Variants in PIRT observed in about 807,000 individuals in gnomAD.
PIRT encodes phosphoinositide interacting regulator of transient receptor potential channels.
Under a neutral mutation model 7.9 loss-of-function variants are expected in PIRT, and 6 were observed. That is an observed-to-expected ratio of 0.76 (90% CI 0.42 to 1.51). PIRT has a LOEUF of 1.51. Ranked by LOEUF, PIRT falls within the 40% of genes most tolerant of loss-of-function variation. PIRT has a pLI of 0.01. For synonymous variants in PIRT, 78 were observed against 71.8 expected (o/e 1.09, Z -0.44); for missense variants, 170 against 172.9 (o/e 0.98, Z 0.09).
At chr17:10,834,869 C>T (rs539213309) in intron 1 of PIRT, among the ~76,000 whole-genome samples, 9 of 151,208 alleles carry the variant, frequency 6.0e-5, no homozygotes, top group East Asian at 1.9e-4. Flanking sequence ...GGATTACAGA[C>T]GTGAGCCACT....
At chr17:10,828,580 A>G (rs1053434811) in intron 1 of PIRT, among the ~76,000 whole-genome samples, 2 of 152,196 alleles carry the variant, frequency 1.3e-5, no homozygotes, top group Non-Finnish European at 2.9e-5. Flanking sequence ...ACCTTGGTCA[A>G]GAGGAAGGGG....
chr17:10,829,965 G>GTCTATCTATCTATCTATCTA (rs10561822), intron 1 of PIRT, among the ~76,000 whole-genome samples: 1 of 149,488 alleles, frequency 6.7e-6, no homozygotes, highest in Non-Finnish European at 1.5e-5. Context: ...ATGTCTGTCT[G>GTCTATCTATCTATCTATCTA]TCTATCTATC....
rs780238912 is a variant in PIRT, at chr17:10,825,447, G to A, written c.199C>T (p.Leu67Phe). The A allele has an allele frequency of 1.1e-5, 18 of 1,613,868 alleles. No homozygotes were observed. The highest frequency in any genetic ancestry group is 1.6e-4 in the Middle Eastern group (1 of 6,084). The change falls in exon 2 of 2, where the codon CTT (leucine) becomes TTT (phenylalanine). Residue 67 changes from leucine to phenylalanine, a missense_variant. Leu to Phe is a conservative substitution (Grantham distance 22). Coordinates refer to ENST00000580256, the MANE Select transcript of PIRT (RefSeq NM_001101387.2). ...VIMSVGGAIL[L>F]FGVVITCLAY... ...AAGCAGGTGATGACCACGCCGAAAA[G>A]CAGGATGGCACCGCCCACTGACATG... is the stretch of plus-strand genomic sequence containing the variant.
At chr17:10,833,736 G>T (rs2151535788) in intron 1 of PIRT, among the ~76,000 whole-genome samples, 1 of 151,492 alleles carries the variant, frequency 6.6e-6, no homozygotes, top group Admixed American at 6.6e-5. Context: ...CCTGGGCAAT[G>T]GGGCGAGATT....
chr17:10,832,558 T>C (rs1056956332), intron 1 of PIRT, among the ~76,000 whole-genome samples: 20 of 152,302 alleles, frequency 1.3e-4, no homozygotes, highest in Non-Finnish European at 1.5e-5. Context: ...TACACTTGAG[T>C]TGTGACCGTT....
At chr17:10,827,400 A>T (rs1425830377) in intron 1 of PIRT, among the ~76,000 whole-genome samples, 2 of 150,096 alleles carry the variant, frequency 1.3e-5, no homozygotes, top group African/African-American at 4.9e-5. Flanking sequence ...TCACCAGACC[A>T]GTGCTTTCTC....
chr17:10,834,773 G>T (rs1485060026), intron 1 of PIRT, among the ~76,000 whole-genome samples: 1 of 151,948 alleles, frequency 6.6e-6, no homozygotes, highest in African/African-American at 2.4e-5. Context: ...TCTATTTTTA[G>T]TAGAGATGGG....
intron 1 of PIRT, among the ~76,000 whole-genome samples, chr17:10,835,933 C>T (rs1456870846): frequency 1.7e-4 from 25 of 144,984 alleles, no homozygotes; most frequent in African/African-American, 5.4e-4. Flanking sequence ...GATGGAGTTT[C>T]GCTCTTTTGC....
chr17:10,834,265 T>C (rs759069616), intron 1 of PIRT, among the ~76,000 whole-genome samples: 1 of 152,072 alleles, frequency 6.6e-6, no homozygotes, highest in South Asian at 2.1e-4. Context: ...AATCACACAA[T>C]GGAATGTTAC....
chr17:10,836,362 C>T (rs772030512), intron 1 of PIRT, among the ~76,000 whole-genome samples: 10 of 152,158 alleles, frequency 6.6e-5, no homozygotes, highest in Non-Finnish European at 1.3e-4. Flanking sequence ...CTCCTTCGAA[C>T]GTGCTGAAAT....
intron 1 of PIRT, among the ~76,000 whole-genome samples, chr17:10,834,757 A>C (rs1046328218): frequency 6.6e-6 from 1 of 151,666 alleles, no homozygotes; most frequent in Admixed American, 6.6e-5. Flanking sequence ...TGCCTGGCTA[A>C]TTTTTTCTAT....
chr17:10,827,460 C>CTTTTTTTTTTTTTTTTTTT (rs1905352594), intron 1 of PIRT, among the ~76,000 whole-genome samples: 1 of 66,964 alleles, frequency 1.5e-5, no homozygotes, highest in Non-Finnish European at 2.9e-5. Flanking sequence ...CTTTCTTTTT[C>CTTTTTTTTTTTTTTTTTTT]TTTTCTTTTT....
At position 10,827,220 on chromosome 17, in the gene PIRT, A is replaced by AATTGCCCACCCCAGG. The variant is rs1432675987; in HGVS notation, c.-138-1438_-138-1437insCCTGGGGTGGGCAAT. Among the ~76,000 whole-genome samples the AATTGCCCACCCCAGG allele has an allele frequency of 4.6e-5, 7 of 152,182 alleles. No individual in the cohort carries two copies. In the Middle Eastern group the frequency reaches 0.014, roughly 296 times the overall value. ...TATTCTCAGGCCTGGAAAGGTATGGAGTCTCACTCAATTGCCCACCCCAGG... is the reference window on the plus strand; with the variant it reads ...TATTCTCAGGCCTGGAAAGGTATGGAATTGCCCACCCCAGGGTCTCACTCAATTGCCCACCCCAGG... On this transcript the variant is annotated intron_variant, in intron 1 of 1. Transcript: ENST00000580256.
intron 1 of PIRT, among the ~76,000 whole-genome samples, chr17:10,826,504 T>C (rs759382953): frequency 6.6e-6 from 1 of 152,258 alleles, no homozygotes; most frequent in Admixed American, 6.5e-5. Flanking sequence ...AGAAGAGTGA[T>C]GCTTTACAGA....
intron 1 of PIRT, 67 bp from the exon 2 acceptor site, chr17:10,825,850 T>G: frequency 2.3e-6 from 1 of 442,072 alleles, no homozygotes; most frequent in Non-Finnish European, 3.9e-6. Context: ...TGGTATAATT[T>G]TTTTTTCTTG....
At chr17:10,837,432 T>A (rs979793931) in intron 1 of PIRT, among the ~76,000 whole-genome samples, 9 of 152,192 alleles carry the variant, frequency 5.9e-5, no homozygotes, top group African/African-American at 2.2e-4. Flanking sequence ...CCCAGACACC[T>A]GCCACAGCTG....
intron 1 of PIRT, among the ~76,000 whole-genome samples, chr17:10,829,540 A>G (rs1286500487): frequency 1.3e-5 from 2 of 152,202 alleles, no homozygotes; most frequent in East Asian, 1.9e-4. Flanking sequence ...AGCTTGGCGA[A>G]CTATACCAAC....
In PIRT at chr17:10,822,615, A is replaced by G. The variant is rs1202091070; in HGVS notation, c.*2617T>C. 6.6e-6 allele frequency: 1 copy of G among 152,224 alleles called. No individual in the cohort carries two copies. Among genetic ancestry groups the G allele is most frequent in the Non-Finnish European group, 1.5e-5 (1 of 68,044 alleles). 9.4% of individuals were successfully genotyped at this position (152,224 alleles called of 1,614,324 possible). ...GGAAGCTGGTTCTGTCCTTTGACCC[A>G]CTGACGTGAAAAGAGTCATTGCAGG... On this transcript the variant is annotated 3_prime_UTR_variant, in exon 2 of 2. Transcript: ENST00000580256.
intron 1 of PIRT, among the ~76,000 whole-genome samples, chr17:10,836,204 A>G (rs1328150600): frequency 1.3e-5 from 2 of 152,090 alleles, no homozygotes; most frequent in East Asian, 1.9e-4. Flanking sequence ...CACCCGGCCA[A>G]TCCTGCTCTT....
Sources: allele counts gnomAD v4.1 joint callset (sites outside exome capture counted in the v4.1 genomes callset), GRCh38; gene constraint gnomAD v4.1.1; transcripts MANE v1.5; gene names NCBI Gene and HGNC (gene_info 2026-07-23, HGNC 2026-07-21).